The following MTCL3 variants were observed in gnomAD, a reference collection of about 807,000 sequenced individuals.
MTCL3 encodes microtubule cross-linking factor 3.
chr6:127,473,101 G>T, the MTCL3 span: 5 of 1,162,442 alleles, frequency 4.3e-6, no homozygotes, highest in South Asian at 1.2e-4. Flanking sequence ...TAGTGTTTGG[G>T]CTTCTTATTG....
At chr6:127,506,351 CT>C in the MTCL3 span, among the ~76,000 whole-genome samples, 1 of 152,092 alleles carries the variant, frequency 6.6e-6, no homozygotes, top group African/African-American at 2.4e-5. Context: ...CCCCAGAGGC[CT>C]CACATAAAAC....
the MTCL3 span, among the ~76,000 whole-genome samples, chr6:127,490,879 G>A: frequency 2.6e-5 from 4 of 152,046 alleles, no homozygotes; most frequent in Non-Finnish European, 2.9e-5. Flanking sequence ...GATTGGAGAC[G>A]GTCAAAACAT....
chr6:127,516,308 CG>C, the MTCL3 span: 4 of 1,578,906 alleles, frequency 2.5e-6, no homozygotes, highest in Non-Finnish European at 3.4e-6. Context: ...GTCGCCTTCT[CG>C]GCCCCACCTC....
At chr6:127,481,174 GAATA>G in the MTCL3 span, 9 of 555,242 alleles carry the variant, frequency 1.6e-5, no homozygotes, top group East Asian at 8.8e-4. Flanking sequence ...TGGTTGAAAA[GAATA>G]AATAAACTTT....
At chr6:127,493,944 G>A in the MTCL3 span, among the ~76,000 whole-genome samples, 4 of 152,084 alleles carry the variant, frequency 2.6e-5, no homozygotes, top group Non-Finnish European at 5.9e-5. Flanking sequence ...ATTCTTTATC[G>A]TTAAGGAATA....
chr6:127,473,236 TA>T, the MTCL3 span: 1 of 1,456,688 alleles, frequency 6.9e-7, no homozygotes, highest in Non-Finnish European at 9.0e-7. Flanking sequence ...GTGAACAAAA[TA>T]AACAAACTGA....
At chr6:127,505,805 A>G in the MTCL3 span, among the ~76,000 whole-genome samples, 1 of 152,184 alleles carries the variant, frequency 6.6e-6, no homozygotes, top group African/African-American at 2.4e-5. Flanking sequence ...TTTGCCATCT[A>G]TATCTTTATA....
the MTCL3 span, among the ~76,000 whole-genome samples, chr6:127,499,418 A>T: frequency 6.6e-6 from 1 of 152,216 alleles, no homozygotes; most frequent in Non-Finnish European, 1.5e-5. Flanking sequence ...CTTGAAAATT[A>T]TCTAAGGCCA....
At chr6:127,500,036 A>G in the MTCL3 span, among the ~76,000 whole-genome samples, 2 of 152,190 alleles carry the variant, frequency 1.3e-5, no homozygotes, top group African/African-American at 4.8e-5. Context: ...CAAGAGTAGC[A>G]AGATTTTTCT....
chr6:127,485,359 AGAG>A, the MTCL3 span, among the ~76,000 whole-genome samples: 1 of 152,130 alleles, frequency 6.6e-6, no homozygotes, highest in South Asian at 2.1e-4. Context: ...TTACAGAGTG[AGAG>A]GAGAGGAGTG....
chr6:127,515,975 C>T, the MTCL3 span: 14 of 1,596,490 alleles, frequency 8.8e-6, no homozygotes, highest in Non-Finnish European at 1.2e-5. This position sits in a 1 kb window ranked among gnomAD's most constrained non-coding sequence, Gnocchi z 4.3. Flanking sequence ...GAAGGGGAGG[C>T]CCCCTCCCCG....
chr6:127,489,884 G>C, the MTCL3 span, among the ~76,000 whole-genome samples: 1 of 152,224 alleles, frequency 6.6e-6, no homozygotes. Flanking sequence ...GAAGATCTAG[G>C]TAAGATGATT....
the MTCL3 span, chr6:127,472,980 T>A: frequency 6.0e-6 from 3 of 496,000 alleles, no homozygotes; most frequent in Non-Finnish European, 7.9e-6. Flanking sequence ...TCCATTTTTA[T>A]ATTCAGTATG....
chr6:127,486,420 C>A, the MTCL3 span, among the ~76,000 whole-genome samples: 4 of 152,224 alleles, frequency 2.6e-5, no homozygotes, highest in East Asian at 1.9e-4. Context: ...TCTATGGATA[C>A]AGAAAGTTAG....
At chr6:127,496,064 T>A in the MTCL3 span, among the ~76,000 whole-genome samples, 1 of 152,080 alleles carries the variant, frequency 6.6e-6, no homozygotes, top group East Asian at 1.9e-4. Context: ...ACCCCATCTC[T>A]ACTAAAATAC....
the MTCL3 span, chr6:127,473,119 T>C: frequency 1.7e-6 from 2 of 1,183,260 alleles, no homozygotes; most frequent in Non-Finnish European, 2.1e-6. Flanking sequence ...TTGAATTTGG[T>C]CTTGGTAAGA....
At chr6:127,495,941 C>A in the MTCL3 span, among the ~76,000 whole-genome samples, 17 of 152,044 alleles carry the variant, frequency 1.1e-4, no homozygotes, top group African/African-American at 4.1e-4. Flanking sequence ...TTAAGACATA[C>A]ACTCTCGGCT....
At chr6:127,500,626 G>A in the MTCL3 span, among the ~76,000 whole-genome samples, 1 of 151,988 alleles carries the variant, frequency 6.6e-6, no homozygotes, top group Non-Finnish European at 1.5e-5. Flanking sequence ...TATCACCTAG[G>A]TATTAAGCCT....
chr6:127,473,810 T>C, the MTCL3 span, among the ~76,000 whole-genome samples: 8 of 152,206 alleles, frequency 5.3e-5, no homozygotes, highest in Admixed American at 1.3e-4. Flanking sequence ...TTCCGTGGGT[T>C]CTCCAATGGA....
Sources: gnomAD v4.1 joint callset for allele counts (sites outside exome capture counted in the v4.1 genomes callset) on GRCh38, gnomAD v4.1.1 for gene constraint, Gnocchi (gnomAD v3.1) non-coding constraint, MANE v1.5 for transcripts, NCBI Gene and HGNC (gene_info 2026-07-23, HGNC 2026-07-21) for gene names.